Variants in LAP3 observed in about 807,000 individuals in gnomAD.
LAP3 encodes cytosol aminopeptidase.
In LAP3, 46 loss-of-function variants were observed where a neutral mutation model predicts 58.8. That is an observed-to-expected ratio of 0.78 (90% CI 0.62 to 1.00). The LOEUF (loss-of-function observed/expected upper bound fraction) is 1.00. Ranked by LOEUF, LAP3 falls within the 50% of genes least tolerant of loss-of-function variation. The pLI, the probability that LAP3 is intolerant of heterozygous loss-of-function variation, is 0.00. For missense variants in LAP3, 615 were observed against 659.1 expected (o/e 0.93, Z 0.73); for synonymous variants, 257 against 237.7 (o/e 1.08, Z -0.75).
intron 7 of LAP3, among the ~76,000 whole-genome samples, chr4:17,594,233 T>A (rs983572494): frequency 6.6e-6 from 1 of 152,206 alleles, no homozygotes; most frequent in Non-Finnish European, 1.5e-5. Flanking sequence ...AGAAGAGGCC[T>A]GCAGATAAAT....
In LAP3 at chr4:17,604,741, C is replaced by A; in HGVS notation, c.1260+74C>A. On this transcript the variant is annotated intron_variant, in intron 11 of 12. Transcript: ENST00000226299. ...ATTCTAGCCTTAGAAGGATAGACTTCTTCAACCCTGTGTTAAAGTGATTTT... is the reference window on the plus strand; with the variant it reads ...ATTCTAGCCTTAGAAGGATAGACTTATTCAACCCTGTGTTAAAGTGATTTT... 3 of 1,148,368 alleles carry A rather than the reference C, an allele frequency of 2.6e-6. No individual in the cohort carries two copies. In the South Asian group the frequency reaches 3.8e-5, roughly 15 times the overall value. 71.1% of individuals were successfully genotyped at this position (1,148,368 alleles called of 1,614,324 possible).
intron 7 of LAP3, among the ~76,000 whole-genome samples, chr4:17,594,531 C>T (rs1713779507): frequency 6.6e-6 from 1 of 152,316 alleles, no homozygotes; most frequent in East Asian, 1.9e-4. Flanking sequence ...TGGCTCTGTG[C>T]TTGGCCTGTG....
chr4:17,597,880 G>A (rs1320899615), intron 9 of LAP3, among the ~76,000 whole-genome samples: 1 of 152,168 alleles, frequency 6.6e-6, no homozygotes, highest in Non-Finnish European at 1.5e-5. Context: ...GCATGCAGGT[G>A]TGTACAAGCC....
intron 11 of LAP3, among the ~76,000 whole-genome samples, chr4:17,605,653 C>A (rs554554565): frequency 6.6e-6 from 1 of 152,276 alleles, no homozygotes; most frequent in African/African-American, 2.4e-5. Flanking sequence ...TGTCATCATT[C>A]ACGAAGCCCA....
chr4:17,604,438 G>T, intron 10 of LAP3, 150 bp from the exon 11 acceptor site: 1 of 553,202 alleles, frequency 1.8e-6, no homozygotes, highest in South Asian at 2.9e-5. Flanking sequence ...AATATGTTAA[G>T]TATGTACAGG....
intron 11 of LAP3, among the ~76,000 whole-genome samples, chr4:17,606,522 TAG>T (rs1355781081): frequency 6.6e-6 from 1 of 152,068 alleles, no homozygotes; most frequent in African/African-American, 2.4e-5. Flanking sequence ...GCATTTTTAG[TAG>T]AGACAGCGTT....
At chr4:17,592,716 A>G (rs954072182) in intron 7 of LAP3, among the ~76,000 whole-genome samples, 17 of 152,226 alleles carry the variant, frequency 1.1e-4, no homozygotes, top group Non-Finnish European at 2.2e-4. Context: ...AGTATTTGAT[A>G]TTGTCAGTCT....
chr4:17,585,287 A>T, intron 6 of LAP3, 151 bp downstream of exon 6: 1 of 603,358 alleles, frequency 1.7e-6, no homozygotes, highest in East Asian at 2.9e-5. Context: ...GCTGGAATAG[A>T]GCTGAGTTTG....
At chr4:17,584,337 A>G (rs532716086) in intron 5 of LAP3, among the ~76,000 whole-genome samples, 6 of 152,348 alleles carry the variant, frequency 3.9e-5, no homozygotes, top group African/African-American at 1.4e-4. Flanking sequence ...TCATCATCCA[A>G]AAGAGCACAT....
At chr4:17,583,743 C>A in intron 5 of LAP3, 101 bp downstream of exon 5, 1 of 1,326,200 alleles carries the variant, frequency 7.5e-7, no homozygotes, top group African/African-American at 1.5e-5. Context: ...CCCACAGCTG[C>A]GTGGCTTGGC....
At chr4:17,579,608 C>G (rs894381695) in intron 1 of LAP3, among the ~76,000 whole-genome samples, 8 of 152,172 alleles carry the variant, frequency 5.3e-5, no homozygotes, top group African/African-American at 1.9e-4. Flanking sequence ...CCAGGACGGG[C>G]AGTGATGGGT....
At position 17,581,764 on chromosome 4, in the gene LAP3, G is replaced by T. The variant is rs1713370031; in HGVS notation, c.223G>T (p.Gly75Ter). The change falls in exon 3 of 13, where the codon GGA becomes TGA. Residue 75 changes from glycine (G) to a stop codon, truncating the protein, a stop_gained. Coordinates refer to ENST00000226299, the MANE Select transcript of LAP3 (RefSeq NM_015907.3). LOFTEE classifies it high-confidence loss of function. ...GKLRETLNIS[G>*]PPLKAGKTRT... is the part of the protein sequence containing the mutation. ...GACTATTTCCTCTTGTTTTAGATCT[G>T]GACCACCTCTGAAGGCAGGGAAGAC... 2 of 1,613,424 alleles carry T rather than the reference G, an allele frequency of 1.2e-6. No homozygotes were observed. Among genetic ancestry groups the T allele is most frequent in the Admixed American group, 1.7e-5 (1 of 59,958 alleles).
intron 9 of LAP3, among the ~76,000 whole-genome samples, chr4:17,597,670 ATG>A (rs1239712224): frequency 6.6e-6 from 1 of 152,234 alleles, no homozygotes; most frequent in African/African-American, 2.4e-5. Flanking sequence ...TATGCTATAC[ATG>A]TGTATACACA....
chr4:17,604,708 A>T, intron 11 of LAP3, 41 bp downstream of exon 11: 5 of 1,402,114 alleles, frequency 3.6e-6, no homozygotes, highest in Non-Finnish European at 5.1e-6. Context: ...AGAGATGGTG[A>T]ATAAATTATT....
chr4:17,589,048 G>A (rs17499929), intron 7 of LAP3, 71 bp downstream of exon 7: 852,719 of 1,510,430 alleles, frequency 0.56, 251,232 homozygotes, highest in East Asian at 0.84. Flanking sequence ...CTTGGTTATA[G>A]GGTTTTTTGG....
At chr4:17,594,777 T>C (rs530315104) in intron 7 of LAP3, among the ~76,000 whole-genome samples, 1 of 152,322 alleles carries the variant, frequency 6.6e-6, no homozygotes, top group South Asian at 2.1e-4. Flanking sequence ...CTCTGTCCTG[T>C]CGGTTTCAGA....
intron 10 of LAP3, among the ~76,000 whole-genome samples, chr4:17,599,168 C>A (rs1713925105): frequency 6.6e-6 from 1 of 152,202 alleles, no homozygotes; most frequent in Non-Finnish European, 1.5e-5. Flanking sequence ...AAGTGAGCCA[C>A]TGTGCCCAGC....
At position 17,583,528 on chromosome 4, in the gene LAP3, T is replaced by C; in HGVS notation, c.425T>C (p.Val142Ala). The change falls in exon 5 of 13, where the codon GTG (valine) becomes GCG (alanine). Residue 142 changes from valine to alanine, a missense_variant. Val to Ala is a moderately conservative substitution (Grantham distance 64). Coordinates refer to ENST00000226299, the MANE Select transcript of LAP3 (RefSeq NM_015907.3). ...GACCTGGAGCTCTCGTCTGTGGAGG[T>C]GGATCCCTGTGGAGACGCTCAGGCT... ...IQDLELSSVEVDPCGDAQAAA... is the reference protein window; with the variant it reads ...IQDLELSSVEADPCGDAQAAA... 1 of 1,613,972 alleles carries C rather than the reference T, an allele frequency of 6.2e-7. No homozygotes were observed. The highest frequency in any genetic ancestry group is 8.5e-7 in the Non-Finnish European group (1 of 1,179,996).
chr4:17,591,330 A>T (rs747896543), intron 7 of LAP3, among the ~76,000 whole-genome samples: 5 of 150,456 alleles, frequency 3.3e-5, no homozygotes, highest in African/African-American at 9.8e-5. Flanking sequence ...TTTGGTAGGG[A>T]TGGGGTTTCA....
Sources: gnomAD v4.1 joint callset for allele counts (sites outside exome capture counted in the v4.1 genomes callset) on GRCh38, gnomAD v4.1.1 for gene constraint, MANE v1.5 for transcripts, NCBI Gene and HGNC (gene_info 2026-07-23, HGNC 2026-07-21) for gene names.